KDM5B: variants seen among roughly 807,000 people sequenced by gnomAD.
KDM5B encodes the protein lysine-specific demethylase 5B.
Under a neutral mutation model 193.4 loss-of-function variants are expected in KDM5B, and 144 were observed. The observed-to-expected ratio is 0.74, with a 90% CI of 0.65 to 0.86. KDM5B has a LOEUF of 0.86. Ranked by LOEUF, KDM5B falls within the 40% of genes least tolerant of loss-of-function variation. The pLI is 0.00. For missense variants in KDM5B, 1,833 were observed against 1,886.9 expected, an observed-to-expected ratio of 0.97 and a Z score of 0.53; for synonymous variants, 668 against 682.6, an observed-to-expected ratio of 0.98 and a Z score of 0.33.
chr1:202,795,316 T>C (rs967629546), intron 1 of KDM5B, among the ~76,000 whole-genome samples: 5 of 152,074 alleles, frequency 3.3e-5, no homozygotes, highest in Non-Finnish European at 7.4e-5. Context: ...TGGACAGCAG[T>C]TGACAAATTC....
chr1:202,760,371 C>A, intron 8 of KDM5B, 44 bp downstream of exon 8: 2 of 1,381,150 alleles, frequency 1.4e-6, no homozygotes, highest in South Asian at 1.4e-5. Flanking sequence ...AGAAAAATGC[C>A]CTAAAAAAAT....
chr1:202,743,327 A>C (rs1655421424), intron 16 of KDM5B, among the ~76,000 whole-genome samples: 1 of 106,568 alleles, frequency 9.4e-6, no homozygotes, highest in Admixed American at 1.1e-4. Context: ...ACAGAGCAAG[A>C]CCTTGTCTCA....
intron 1 of KDM5B, among the ~76,000 whole-genome samples, chr1:202,805,065 GT>G (rs560218739): frequency 2.3e-4 from 35 of 152,170 alleles, no homozygotes; most frequent in Non-Finnish European, 4.0e-4. Context: ...ATACCACAAA[GT>G]GATATGGAAA....
At chr1:202,731,113 C>T (rs1654868914) in intron 24 of KDM5B, 50 bp from the exon 25 acceptor site, 1 of 1,490,600 alleles carries the variant, frequency 6.7e-7, no homozygotes, top group Non-Finnish European at 9.1e-7. Flanking sequence ...GGGTGTTTCA[C>T]ATTCACATTT....
chr1:202,740,259 G>A (rs1263183632), intron 20 of KDM5B, among the ~76,000 whole-genome samples: 4 of 148,942 alleles, frequency 2.7e-5, no homozygotes, highest in Admixed American at 6.6e-5. Flanking sequence ...CTCCCGGACG[G>A]GGCGGCTGGC....
intron 20 of KDM5B, among the ~76,000 whole-genome samples, chr1:202,737,379 C>T (rs1012746270): frequency 1.3e-5 from 2 of 152,202 alleles, no homozygotes; most frequent in Non-Finnish European, 2.9e-5. Flanking sequence ...CCAGGTAAAG[C>T]TGCTGTTGCC....
chr1:202,797,135 A>G (rs1657883086), intron 1 of KDM5B: 1 of 152,262 alleles, frequency 6.6e-6, no homozygotes, highest in African/African-American at 2.4e-5. Context: ...CATCTCTCCA[A>G]CAGATGGGGA....
chr1:202,791,135 T>C (rs546668347), intron 1 of KDM5B, among the ~76,000 whole-genome samples: 2 of 152,320 alleles, frequency 1.3e-5, no homozygotes, highest in African/African-American at 4.8e-5. Flanking sequence ...GCTGTGTGAC[T>C]GTAGTAGCGC....
intron 23 of KDM5B, among the ~76,000 whole-genome samples, chr1:202,732,631 T>TG (rs1654929586): frequency 7.2e-5 from 11 of 151,852 alleles, no homozygotes; most frequent in African/African-American, 2.4e-4. Context: ...TTTTTTTTTT[T>TG]GTTTGGTCTT....
chr1:202,751,429 A>C (rs1049812144), intron 12 of KDM5B, among the ~76,000 whole-genome samples: 2 of 152,170 alleles, frequency 1.3e-5, no homozygotes, highest in Non-Finnish European at 2.9e-5. Context: ...TAACAAAATA[A>C]CAGGATCAGA....
intron 1 of KDM5B, among the ~76,000 whole-genome samples, chr1:202,786,058 G>A (rs1051130455): frequency 1.3e-5 from 2 of 151,870 alleles, no homozygotes; most frequent in African/African-American, 4.8e-5. Context: ...GGAGTGCAAT[G>A]GCATAAACTT....
chr1:202,793,172 G>T (rs1657711343), intron 1 of KDM5B, among the ~76,000 whole-genome samples: 1 of 152,100 alleles, frequency 6.6e-6, no homozygotes, highest in Non-Finnish European at 1.5e-5. Flanking sequence ...GTCACCTTAG[G>T]CAAGTCAAGT....
intron 1 of KDM5B, among the ~76,000 whole-genome samples, chr1:202,793,446 G>A (rs960655095): frequency 6.6e-6 from 1 of 152,178 alleles, no homozygotes; most frequent in African/African-American, 2.4e-5. Flanking sequence ...GGCTCCACCA[G>A]GATTTGGGCT....
chr1:202,767,228 C>T, intron 4 of KDM5B, 168 bp from the exon 5 acceptor site: 2 of 1,579,180 alleles, frequency 1.3e-6, no homozygotes, highest in South Asian at 1.1e-5. Flanking sequence ...CTGAAACACC[C>T]TTATGTTTTA....
intron 1 of KDM5B, among the ~76,000 whole-genome samples, chr1:202,786,250 T>A (rs1657410086): frequency 6.6e-6 from 1 of 150,422 alleles, no homozygotes; most frequent in Non-Finnish European, 1.5e-5. Context: ...CCTCAAGCAA[T>A]CCTTCCACTT....
At chr1:202,730,793 C>A (rs1475821200) in intron 25 of KDM5B, 116 bp downstream of exon 25, 2 of 982,846 alleles carry the variant, frequency 2.0e-6, no homozygotes, top group African/African-American at 1.6e-5. Flanking sequence ...AATGGGTCAT[C>A]CTCAGTCTAA....
In KDM5B at chr1:202,726,345, T is replaced by C. The variant is rs535345644; in HGVS notation, c.*2691A>G. 6.6e-6 allele frequency: 1 copy of C among 152,278 alleles called. No homozygotes were observed. The highest frequency in any genetic ancestry group is 1.9e-4 in the East Asian group (1 of 5,184). 9.4% of individuals were successfully genotyped at this position (152,278 alleles called of 1,614,324 possible). On this transcript the variant is annotated 3_prime_UTR_variant, in exon 27 of 27. Coordinates refer to ENST00000367265, the MANE Select transcript of KDM5B (RefSeq NM_006618.5). ...ATACTGAAACGAAGCTGTAAAGAAG[T>C]CAACTTCCTTTACATAGTCCAAATT...
intron 20 of KDM5B, among the ~76,000 whole-genome samples, chr1:202,739,090 C>T (rs1477617826): frequency 6.6e-6 from 1 of 152,164 alleles, no homozygotes; most frequent in Non-Finnish European, 1.5e-5. Flanking sequence ...ACTAGATTCA[C>T]TGAATTTGCT....
chr1:202,732,620 G>GTT (rs66482938), intron 23 of KDM5B, among the ~76,000 whole-genome samples: 133 of 147,880 alleles, frequency 9.0e-4, no homozygotes, highest in East Asian at 2.8e-3. Context: ...ATGACAGACT[G>GTT]TTTTTTTTTT....
Sources: gnomAD v4.1 joint callset for allele counts (sites outside exome capture counted in the v4.1 genomes callset) on GRCh38, gnomAD v4.1.1 for gene constraint, MANE v1.5 for transcripts, NCBI Gene and HGNC (gene_info 2026-07-23, HGNC 2026-07-21) for gene names.